Variants in RALYL observed in about 807,000 individuals in gnomAD.
RALYL encodes the protein RNA-binding Raly-like protein.
In RALYL, 29 loss-of-function variants were observed where a neutral mutation model predicts 35.1. The ratio of observed to expected loss-of-function variants is 0.83; its 90% CI spans 0.61 to 1.13. The LOEUF is 1.13. RALYL is among the 50% of genes most tolerant of loss of function. The pLI is 0.00. For missense variants in RALYL, 359 were observed against 360.4 expected (o/e 1.00, Z 0.03); for synonymous variants, 120 against 127.6 (o/e 0.94, Z 0.40).
chr8:84,321,748 A>G (rs73306959), intron 1 of RALYL, among the ~76,000 whole-genome samples: 3,089 of 152,228 alleles, frequency 0.02, 114 homozygotes, highest in African/African-American at 0.07. Flanking sequence ...CCCATTCTCC[A>G]CACCTTACCA....
chr8:84,440,228 T>C (rs926179317), intron 1 of RALYL, among the ~76,000 whole-genome samples: 17 of 152,268 alleles, frequency 1.1e-4, no homozygotes, highest in African/African-American at 4.1e-4. Context: ...TTCATAACTT[T>C]ATGCAAATAT....
At chr8:84,647,077 T>A (rs1370229587) in intron 2 of RALYL, among the ~76,000 whole-genome samples, 1 of 152,054 alleles carries the variant, frequency 6.6e-6, no homozygotes, top group Admixed American at 6.6e-5. Flanking sequence ...GTTTTATAGT[T>A]TTTTGGGAGA....
At chr8:84,491,083 CT>C (rs2055244262) in intron 1 of RALYL, among the ~76,000 whole-genome samples, 1 of 151,680 alleles carries the variant, frequency 6.6e-6, no homozygotes, top group Non-Finnish European at 1.5e-5. Flanking sequence ...TTTCCTCTGT[CT>C]ATATAAGTAA....
chr8:84,887,037 T>A (rs1242922592), intron 7 of RALYL, among the ~76,000 whole-genome samples: 1 of 152,202 alleles, frequency 6.6e-6, no homozygotes, highest in Non-Finnish European at 1.5e-5. Flanking sequence ...GTTAACCACA[T>A]CTGTCAACAT....
At chr8:84,333,107 A>G (rs1847143272) in intron 1 of RALYL, among the ~76,000 whole-genome samples, 1 of 152,222 alleles carries the variant, frequency 6.6e-6, no homozygotes, top group African/African-American at 2.4e-5. Flanking sequence ...CCTACTTGTT[A>G]TTTTGTTTTT....
At chr8:84,336,952 T>C (rs1480383054) in intron 1 of RALYL, among the ~76,000 whole-genome samples, 1 of 151,452 alleles carries the variant, frequency 6.6e-6, no homozygotes, top group African/African-American at 2.4e-5. Flanking sequence ...GGTTTAAATA[T>C]AAGATGGAAA....
At chr8:84,559,224 AT>A in intron 2 of RALYL, among the ~76,000 whole-genome samples, 1 of 152,114 alleles carries the variant, frequency 6.6e-6, no homozygotes, top group South Asian at 2.1e-4. Flanking sequence ...AGTGTTTTTA[AT>A]AGTGGGTTTA....
chr8:84,198,712 C>T (rs114651279), intron 1 of RALYL, among the ~76,000 whole-genome samples: 3,696 of 152,122 alleles, frequency 0.024, 153 homozygotes, highest in African/African-American at 0.084. Context: ...AGTTTGGGGA[C>T]GTTTGGATCC....
At chr8:84,811,189 A>G (rs770421806) in intron 4 of RALYL, among the ~76,000 whole-genome samples, 9 of 151,956 alleles carry the variant, frequency 5.9e-5, no homozygotes, top group Non-Finnish European at 1.2e-4. Flanking sequence ...CCTTTTAGCA[A>G]TTCTTATAGT....
At chr8:84,722,617 T>TTATATATATATATATATATATATA (rs71823678) in intron 2 of RALYL, among the ~76,000 whole-genome samples, 3 of 97,400 alleles carry the variant, frequency 3.1e-5, no homozygotes, top group African/African-American at 1.6e-4. Flanking sequence ...TAGAGTGATT[T>TTATATATATATATATATATATATA]TATATATATA....
intron 2 of RALYL, among the ~76,000 whole-genome samples, chr8:84,720,393 G>A (rs1178613058): frequency 2.0e-5 from 3 of 152,096 alleles, no homozygotes; most frequent in South Asian, 2.1e-4. Flanking sequence ...TCAAGAACAT[G>A]TAGTGGGGAA....
At chr8:84,572,648 T>C (rs916420642) in intron 2 of RALYL, among the ~76,000 whole-genome samples, 12 of 151,860 alleles carry the variant, frequency 7.9e-5, no homozygotes, top group African/African-American at 9.7e-5. Flanking sequence ...TCCTCTGTTC[T>C]GATTTATTCA....
In RALYL at chr8:84,911,140, C is replaced by T. The variant is rs117993131; in HGVS notation, c.859-9754C>T. Reference sequence around the variant, plus strand: ...CTGAGGCTTAATTTCCTTTTCTCCCCACCAGAAAGTTCAACTAGCAACTAT... The same window carrying T: ...CTGAGGCTTAATTTCCTTTTCTCCCTACCAGAAAGTTCAACTAGCAACTAT... On this transcript the variant is annotated intron_variant, in intron 8 of 8. Transcript: ENST00000521268. Among the ~76,000 whole-genome samples, 807 of 152,112 alleles carry T rather than the reference C, an allele frequency of 5.3e-3. 54 individuals are homozygous for T. In the East Asian group the frequency reaches 0.14, roughly 26 times the overall value.
chr8:84,687,212 A>G (rs1836986867), intron 2 of RALYL, among the ~76,000 whole-genome samples: 1 of 152,166 alleles, frequency 6.6e-6, no homozygotes, highest in African/African-American at 2.4e-5. Flanking sequence ...GTATTCTTAT[A>G]TTACATGGAT....
At chr8:84,450,714 G>A (rs191964496) in intron 1 of RALYL, among the ~76,000 whole-genome samples, 1 of 151,534 alleles carries the variant, frequency 6.6e-6, no homozygotes, top group Non-Finnish European at 1.5e-5. Context: ...GCACTTTATG[G>A]AATTTTATTT....
chr8:84,184,852 A>C, intron 1 of RALYL: 3 of 915,150 alleles, frequency 3.3e-6, no homozygotes, highest in South Asian at 1.4e-5. Flanking sequence ...CCCTCAGAGC[A>C]CCCGGGAGAT....
intron 1 of RALYL, among the ~76,000 whole-genome samples, chr8:84,359,027 A>G (rs1852411033): frequency 6.6e-6 from 1 of 152,096 alleles, no homozygotes; most frequent in Admixed American, 6.6e-5. Context: ...ATAGAAATAT[A>G]TTTATGAACC....
intron 2 of RALYL, among the ~76,000 whole-genome samples, chr8:84,721,322 G>A (rs2132640584): frequency 6.6e-6 from 1 of 152,224 alleles, no homozygotes; most frequent in East Asian, 1.9e-4. Flanking sequence ...TATGTCCAGA[G>A]ATATCTGTAT....
intron 2 of RALYL, among the ~76,000 whole-genome samples, chr8:84,631,199 G>C (rs1823830996): frequency 6.6e-6 from 1 of 151,960 alleles, no homozygotes; most frequent in African/African-American, 2.4e-5. Context: ...TCTTAGCAAA[G>C]TCTGTCTTTC....
Sources: allele counts gnomAD v4.1 joint callset (sites outside exome capture counted in the v4.1 genomes callset), GRCh38; gene constraint gnomAD v4.1.1; transcripts MANE v1.5; gene names NCBI Gene and HGNC (gene_info 2026-07-23, HGNC 2026-07-21).